The following CEP57L1 variants were observed in gnomAD, a reference collection of about 807,000 sequenced individuals.
The protein encoded by CEP57L1 is centrosomal protein 57 like 1, also known as centrosomal protein CEP57L1.
CEP57L1 carries 37 observed loss-of-function variants against 61.0 expected under a neutral mutation model. The observed-to-expected ratio is 0.61, with a 90% confidence interval of 0.47 to 0.80. The LOEUF (loss-of-function observed/expected upper bound fraction) is 0.80, where lower values mean the gene tolerates loss of function less well. CEP57L1 is among the 30% of genes least tolerant of loss of function. The probability of loss-of-function intolerance (pLI) is 0.00; values close to 1 mark genes in which losing one functional copy is unlikely to be tolerated. For missense variants in CEP57L1, 422 were observed against 524.7 expected (o/e 0.80, Z 1.91); for synonymous variants, 137 against 162.3 (o/e 0.84, Z 1.19).
intron 1 of CEP57L1, among the ~76,000 whole-genome samples, chr6:109,100,628 T>A (rs1315732133): frequency 7.2e-6 from 1 of 138,010 alleles, no homozygotes; most frequent in Non-Finnish European, 1.5e-5. Context: ...TGAGCTGAGA[T>A]CGTTCCATTG....
intron 7 of CEP57L1, chr6:109,158,502 T>G: frequency 2.6e-6 from 1 of 387,668 alleles, no homozygotes; most frequent in Non-Finnish European, 5.0e-6. Flanking sequence ...AAAAAAAGGA[T>G]ATTTCGATTG....
At chr6:109,097,244 C>T (rs903018154) in intron 1 of CEP57L1, among the ~76,000 whole-genome samples, 5 of 152,190 alleles carry the variant, frequency 3.3e-5, no homozygotes, top group African/African-American at 1.2e-4. Flanking sequence ...CTCCACCTGT[C>T]TTCAAACTGC....
chr6:109,116,120 A>ATTT (rs1371123326), intron 1 of CEP57L1, among the ~76,000 whole-genome samples: 178 of 136,294 alleles, frequency 1.3e-3, no homozygotes, highest in African/African-American at 3.7e-3. Flanking sequence ...ATTTTATGTT[A>ATTT]TGTGTTGTGT....
At chr6:109,099,534 ATTTATTTATT>A (rs1782116279) in intron 1 of CEP57L1, among the ~76,000 whole-genome samples, 2 of 148,878 alleles carry the variant, frequency 1.3e-5, no homozygotes, top group Non-Finnish European at 2.9e-5. Context: ...ACTTTTATTT[ATTTATTTATT>A]TTTATTTATT....
intron 4 of CEP57L1, among the ~76,000 whole-genome samples, chr6:109,151,827 C>T (rs916827549): frequency 3.3e-5 from 5 of 152,124 alleles, no homozygotes; most frequent in Non-Finnish European, 5.9e-5. Flanking sequence ...GATTTTGTTC[C>T]TGTTGCCTTC....
intron 1 of CEP57L1, among the ~76,000 whole-genome samples, chr6:109,114,687 A>T (rs942400146): frequency 6.6e-6 from 1 of 152,112 alleles, no homozygotes; most frequent in East Asian, 1.9e-4. Flanking sequence ...GGGGCAGGGG[A>T]TGGGAAGAGA....
intron 1 of CEP57L1, among the ~76,000 whole-genome samples, chr6:109,118,971 A>G (rs117811798): frequency 1.3e-5 from 2 of 152,338 alleles, no homozygotes; most frequent in South Asian, 2.1e-4. Flanking sequence ...TTCAATATAT[A>G]TTAAACATAT....
Position 109,168,764 on chromosome 6 carries a change from T to C in CEP57L1, c.*5794T>C, listed in dbSNP as rs1774257240. Among the ~76,000 whole-genome samples, 1 of 151,442 alleles carries C rather than the reference T, an allele frequency of 6.6e-6. No individual in the cohort carries two copies. The highest frequency in any genetic ancestry group is 1.5e-5 in the Non-Finnish European group (1 of 67,842). ...GTGTGCACCACCATGCCCTGCTAAT[T>C]TTTTGTATTTTAGTAGAGATGGGGT... On this transcript the variant is annotated 3_prime_UTR_variant, in exon 11 of 11. Coordinates refer to ENST00000517392, the MANE Select transcript of CEP57L1 (RefSeq NM_001271852.3).
intron 1 of CEP57L1, among the ~76,000 whole-genome samples, chr6:109,129,910 T>TA (rs1773988920): frequency 1.3e-5 from 2 of 152,186 alleles, no homozygotes; most frequent in Non-Finnish European, 2.9e-5. Flanking sequence ...AGTAAGTATG[T>TA]ATGTTCACTC....
chr6:109,151,967 T>C (rs935429648), intron 4 of CEP57L1, among the ~76,000 whole-genome samples: 1 of 152,170 alleles, frequency 6.6e-6, no homozygotes, highest in Non-Finnish European at 1.5e-5. Context: ...CTAAGTATTT[T>C]TTTTTTAATG....
rs1774314541 is a variant in CEP57L1 at position 109,169,709 on chromosome 6, G to C, written c.*6739G>C. Among the ~76,000 whole-genome samples, 1 of 152,170 alleles carries C rather than the reference G, an allele frequency of 6.6e-6. No homozygotes were observed. The highest frequency in any genetic ancestry group is 6.5e-5 in the Admixed American group (1 of 15,278). ...AACCAAGCATGAGTCTTATGATTAAGAAAGAAATTTGCTCTGTAGGTGCTT... is the reference window on the plus strand; with the variant it reads ...AACCAAGCATGAGTCTTATGATTAACAAAGAAATTTGCTCTGTAGGTGCTT... On this transcript the variant is annotated 3_prime_UTR_variant, in exon 11 of 11. Transcript: ENST00000517392.
chr6:109,153,924 T>G lies in CEP57L1; in HGVS notation c.554T>G (p.Leu185Arg). The G allele has an allele frequency of 6.2e-7, 1 of 1,603,392 alleles. No homozygotes were observed. The highest frequency in any genetic ancestry group is 8.5e-7 in the Non-Finnish European group (1 of 1,172,986). The change falls in exon 5 of 11, where the codon CTT becomes CGT. Residue 185 changes from leucine (L) to arginine (R), a missense_variant. Transcript: ENST00000517392. ...LDVLEKECFR[L>R]TTTQKTAEDK... ...GTCTTAGAAAAAGAGTGTTTCAGAC[T>G]TACAACAACTCAGAAAACTGCTGAG... is the stretch of plus-strand genomic sequence containing the variant.
chr6:109,096,332 G>A (rs897903316), intron 1 of CEP57L1, among the ~76,000 whole-genome samples: 6 of 152,188 alleles, frequency 3.9e-5, no homozygotes, highest in African/African-American at 1.4e-4. Flanking sequence ...ACTAGTTAGA[G>A]GAACTAGTTG....
At chr6:109,111,306 C>G (rs1378530314) in intron 1 of CEP57L1, among the ~76,000 whole-genome samples, 1 of 152,232 alleles carries the variant, frequency 6.6e-6, no homozygotes, top group East Asian at 1.9e-4. Flanking sequence ...TGGGAGTTCA[C>G]TCACGATTTG....
Position 109,104,398 on chromosome 6 carries a change from G to T in CEP57L1, c.-4+8823G>T, listed in dbSNP as rs552310926. Among the ~76,000 whole-genome samples, 7 of 152,166 alleles carry T rather than the reference G, an allele frequency of 4.6e-5. No individual in the cohort carries two copies. The South Asian group carries it at 1.5e-3, about 32-fold the overall frequency. On this transcript the variant is annotated intron_variant, in intron 1 of 10. Transcript: ENST00000517392. Reference sequence around the variant, plus strand: ...CCAGATATGTGCCATTTTCTCTAGGGTTCACTCATAAATTCGGAGAAGTGG... The same window carrying T: ...CCAGATATGTGCCATTTTCTCTAGGTTTCACTCATAAATTCGGAGAAGTGG...
At chr6:109,095,802 G>A (rs1781622888) in intron 1 of CEP57L1, among the ~76,000 whole-genome samples, 1 of 152,184 alleles carries the variant, frequency 6.6e-6, no homozygotes, top group South Asian at 2.1e-4. Context: ...AGCGGCCTAA[G>A]TAAGGCCAAG....
chr6:109,105,784 C>T (rs562821030), intron 1 of CEP57L1, among the ~76,000 whole-genome samples: 1 of 152,210 alleles, frequency 6.6e-6, no homozygotes, highest in African/African-American at 2.4e-5. Flanking sequence ...GGTACGGGTT[C>T]GTGGCCTGTT....
chr6:109,155,383 C>T lies in CEP57L1; in HGVS notation c.657+76C>T, dbSNP rs1773115533. ...ATATTTTTATTTTCATTAACTGAAG[C>T]CTATGTTCTAGATTCTAATTTCTGC... On this transcript the variant is annotated intron_variant, in intron 6 of 10. Transcript: ENST00000517392. 3 of 760,180 alleles carry T rather than the reference C, an allele frequency of 3.9e-6. No homozygotes were observed. The East Asian group carries it at 9.5e-5, about 24-fold the overall frequency. 47.1% of individuals were successfully genotyped at this position (760,180 alleles called of 1,614,324 possible).
chr6:109,127,038 C>T (rs1165859184), intron 1 of CEP57L1, among the ~76,000 whole-genome samples: 5 of 152,040 alleles, frequency 3.3e-5, no homozygotes, highest in South Asian at 2.1e-4. Flanking sequence ...CGGTGGCGCA[C>T]GCCTGTAGTC....
Sources: allele counts gnomAD v4.1 joint callset (sites outside exome capture counted in the v4.1 genomes callset), GRCh38; gene constraint gnomAD v4.1.1; transcripts MANE v1.5; gene names NCBI Gene and HGNC (gene_info 2026-07-23, HGNC 2026-07-21).